The following EPHB1 variants were observed in gnomAD, a reference collection of about 807,000 sequenced individuals.
EPHB1 encodes ephrin type-B receptor 1.
EPHB1 carries 30 observed loss-of-function variants against 94.4 expected under a neutral mutation model. That is an observed-to-expected ratio of 0.32 (90% confidence interval 0.24 to 0.43). The LOEUF is 0.43. Ranked by LOEUF, EPHB1 falls within the 20% of genes least tolerant of loss-of-function variation. The probability of loss-of-function intolerance (pLI) is 1.00; values close to 1 mark genes in which losing one functional copy is unlikely to be tolerated. For missense variants in EPHB1, 1,055 were observed against 1,308.3 expected, an observed-to-expected ratio of 0.81 and a Z score of 2.99; for synonymous variants, 522 against 489.1, an observed-to-expected ratio of 1.07 and a Z score of -0.89.
chr3:134,866,507 G>A (rs2037381888), intron 1 of EPHB1, among the ~76,000 whole-genome samples: 1 of 152,122 alleles, frequency 6.6e-6, no homozygotes, highest in Admixed American at 6.5e-5. Flanking sequence ...GATTCCTAAG[G>A]TCCTAGGGTC....
At chr3:135,020,800 A>G (rs1191556778) in intron 3 of EPHB1, among the ~76,000 whole-genome samples, 1 of 152,216 alleles carries the variant, frequency 6.6e-6, no homozygotes, top group Non-Finnish European at 1.5e-5. Flanking sequence ...ATCTCAAGGT[A>G]ATATATGGAT....
At chr3:135,171,366 G>A (rs1941796451) in intron 9 of EPHB1, among the ~76,000 whole-genome samples, 1 of 152,324 alleles carries the variant, frequency 6.6e-6, no homozygotes, top group East Asian at 1.9e-4. Context: ...AGCCAGGAAG[G>A]AAGTCCCTGG....
At chr3:135,183,039 TTTC>T (rs1559865337) in intron 10 of EPHB1, among the ~76,000 whole-genome samples, 974 of 89,350 alleles carry the variant, frequency 0.011, 6 homozygotes, top group South Asian at 0.026. Context: ...TCTTTCTTTC[TTTC>T]TTTCTTTCTT....
intron 4 of EPHB1, among the ~76,000 whole-genome samples, chr3:135,122,262 A>G (rs1403742125): frequency 6.6e-6 from 1 of 152,236 alleles, no homozygotes; most frequent in Admixed American, 6.5e-5. Context: ...TGACTGCTTA[A>G]GGTCACACTT....
At chr3:135,101,168 C>T (rs72977540) in intron 3 of EPHB1, among the ~76,000 whole-genome samples, 3,992 of 152,198 alleles carry the variant, frequency 0.026, 176 homozygotes, top group African/African-American at 0.09. Context: ...AAGGTGTCGG[C>T]GGCTCTTCTC....
intron 3 of EPHB1, among the ~76,000 whole-genome samples, chr3:135,007,776 T>G (rs114038066): frequency 2.3e-3 from 343 of 152,334 alleles, no homozygotes; most frequent in African/African-American, 7.8e-3. Context: ...CCCCAGCATT[T>G]TAGTCATTCT....
intron 3 of EPHB1, among the ~76,000 whole-genome samples, chr3:135,000,604 C>T (rs1307754179): frequency 6.6e-6 from 1 of 152,160 alleles, no homozygotes; most frequent in Non-Finnish European, 1.5e-5. Context: ...ATTCCTAGTA[C>T]TACTCTCCAG....
At chr3:135,088,264 A>C (rs1938431893) in intron 3 of EPHB1, among the ~76,000 whole-genome samples, 2 of 152,210 alleles carry the variant, frequency 1.3e-5, no homozygotes, top group South Asian at 4.1e-4. Flanking sequence ...TCAGCTGTGA[A>C]GCCAGACAGA....
intron 5 of EPHB1, among the ~76,000 whole-genome samples, chr3:135,134,270 C>A (rs146763683): frequency 6.6e-6 from 1 of 152,320 alleles, no homozygotes; most frequent in African/African-American, 2.4e-5. Context: ...CTCTCTCTTC[C>A]TCTGTGTATC....
intron 4 of EPHB1, among the ~76,000 whole-genome samples, chr3:135,126,532 A>G (rs1306081331): frequency 6.6e-6 from 1 of 152,218 alleles, no homozygotes; most frequent in East Asian, 1.9e-4. Context: ...CAAGCCCAGT[A>G]CCTAATAAGA....
chr3:134,963,294 A>T (rs1196000346), intron 3 of EPHB1, among the ~76,000 whole-genome samples: 1 of 152,224 alleles, frequency 6.6e-6, no homozygotes, highest in Non-Finnish European at 1.5e-5. Context: ...AACCTGCCAC[A>T]TATAAGTATG....
chr3:135,240,176 T>C (rs1943747187), intron 12 of EPHB1, among the ~76,000 whole-genome samples: 2 of 152,204 alleles, frequency 1.3e-5, no homozygotes, highest in African/African-American at 2.4e-5. Flanking sequence ...TTTTTAACAA[T>C]ATATTTTAAG....
chr3:134,984,394 G>A (rs1934519942), intron 3 of EPHB1, among the ~76,000 whole-genome samples: 1 of 152,236 alleles, frequency 6.6e-6, no homozygotes, highest in Admixed American at 6.5e-5. Flanking sequence ...GTCTGGATGG[G>A]ATGGGGCTTC....
At chr3:135,021,508 C>A (rs1203273375) in intron 3 of EPHB1, among the ~76,000 whole-genome samples, 1 of 150,426 alleles carries the variant, frequency 6.6e-6, no homozygotes, top group Non-Finnish European at 1.5e-5. Flanking sequence ...TCTCCCCCCA[C>A]CCCCCACCGG....
intron 13 of EPHB1, among the ~76,000 whole-genome samples, chr3:135,242,486 CAG>C (rs1230155210): frequency 1.3e-5 from 2 of 152,114 alleles, no homozygotes; most frequent in Non-Finnish European, 2.9e-5. Flanking sequence ...GGCAACTTCC[CAG>C]AGAGACTGTG....
At chr3:134,839,239 G>C (rs2036733292) in intron 1 of EPHB1, among the ~76,000 whole-genome samples, 2 of 152,204 alleles carry the variant, frequency 1.3e-5, no homozygotes, top group South Asian at 4.1e-4. Flanking sequence ...TAATTCTGCA[G>C]AGTCCTAAGT....
chr3:134,922,920 C>T (rs1268961595), intron 1 of EPHB1, among the ~76,000 whole-genome samples: 1 of 152,224 alleles, frequency 6.6e-6, no homozygotes, highest in Admixed American at 6.5e-5. Flanking sequence ...TTCAGTTGCC[C>T]CTGTTTCAGG....
At chr3:134,962,377 C>T (rs920752114) in intron 3 of EPHB1, among the ~76,000 whole-genome samples, 1 of 152,186 alleles carries the variant, frequency 6.6e-6, no homozygotes, top group Admixed American at 6.5e-5. Context: ...CTGCATCATC[C>T]TCTGTATGTA....
intron 3 of EPHB1, among the ~76,000 whole-genome samples, chr3:135,013,339 C>T (rs546201144): frequency 1.3e-5 from 2 of 152,332 alleles, no homozygotes; most frequent in East Asian, 3.9e-4. Context: ...GCAGTGCCCA[C>T]ATCTCTCATC....
Sources: gnomAD v4.1 joint callset for allele counts (sites outside exome capture counted in the v4.1 genomes callset) on GRCh38, gnomAD v4.1.1 for gene constraint, MANE v1.5 for transcripts, NCBI Gene and HGNC (gene_info 2026-07-23, HGNC 2026-07-21) for gene names.